MTTP: variants seen among roughly 807,000 people sequenced by gnomAD.
MTTP encodes the protein microsomal triglyceride transfer protein.
A neutral mutation model predicts 90.6 loss-of-function variants in MTTP; 49 were observed. The ratio of observed to expected loss-of-function variants is 0.54; its 90% CI spans 0.43 to 0.69. The LOEUF is 0.69. Among genes scored for constraint, MTTP ranks in the 30% least tolerant of loss-of-function variants. MTTP has a pLI of 0.00. For missense variants in MTTP, 945 were observed against 1,067.5 expected (o/e 0.89, Z 1.60); for synonymous variants, 347 against 384.2 (o/e 0.90, Z 1.13).
chr4:99,568,014 CAG>C (rs540284310), intron 1 of MTTP, among the ~76,000 whole-genome samples: 2 of 151,870 alleles, frequency 1.3e-5, no homozygotes, highest in African/African-American at 4.8e-5. Flanking sequence ...TATTTCAAAA[CAG>C]AGAGCAAGTT....
chr4:99,606,096 A>G (rs1047852124), intron 10 of MTTP, among the ~76,000 whole-genome samples: 2 of 152,118 alleles, frequency 1.3e-5, no homozygotes, highest in Non-Finnish European at 2.9e-5. Context: ...AGATGTCCCT[A>G]TTTCTAATTT....
chr4:99,616,624 A>T (rs1474188470), intron 15 of MTTP, among the ~76,000 whole-genome samples: 2 of 152,190 alleles, frequency 1.3e-5, no homozygotes, highest in African/African-American at 2.4e-5. Context: ...TACTGCTTAA[A>T]AATTAGCACC....
intron 17 of MTTP, 31 bp downstream of exon 17, chr4:99,621,262 G>T (rs373669600): frequency 6.2e-7 from 1 of 1,611,786 alleles, no homozygotes; most frequent in African/African-American, 1.3e-5. Context: ...CATGTTCCAG[G>T]ACCATCCCCA....
intron 1 of MTTP, among the ~76,000 whole-genome samples, chr4:99,565,813 G>A (rs1318223212): frequency 6.6e-6 from 1 of 152,160 alleles, no homozygotes; most frequent in Non-Finnish European, 1.5e-5. Flanking sequence ...AAGTGAAGAA[G>A]TTTAAGATAT....
At chr4:99,578,687 G>T (rs759421852) in intron 1 of MTTP, among the ~76,000 whole-genome samples, 2 of 152,114 alleles carry the variant, frequency 1.3e-5, no homozygotes, top group South Asian at 2.1e-4. Flanking sequence ...TTTAAGAAAG[G>T]TTACCTTCCT....
chr4:99,570,803 T>C (rs555511663), upstream of MTTP: 1 of 455,578 alleles, frequency 2.2e-6, no homozygotes, highest in East Asian at 6.9e-5. Flanking sequence ...TCTTGCTGGA[T>C]TTGTAAATGC....
chr4:99,613,284 G>C, intron 15 of MTTP, 144 bp downstream of exon 15: 1 of 718,182 alleles, frequency 1.4e-6, no homozygotes, highest in Non-Finnish European at 2.4e-6. Context: ...TCTTGGTATT[G>C]GTCCCCTTTC....
chr4:99,609,414 G>A (rs191279791), intron 12 of MTTP, among the ~76,000 whole-genome samples: 7 of 152,186 alleles, frequency 4.6e-5, no homozygotes, highest in Non-Finnish European at 8.8e-5. Flanking sequence ...TCTTAGGCAC[G>A]GCCCACATTT....
chr4:99,621,064 G>T lies in MTTP; in HGVS notation c.2346G>T (p.Val782=). 6.2e-7 allele frequency: 1 copy of T among 1,613,934 alleles called. No individual in the cohort carries two copies. The highest frequency in any genetic ancestry group is 8.5e-7 in the Non-Finnish European group (1 of 1,179,902). Residue 782 remains valine, a synonymous_variant, in exon 17 of 18, where the codon GTG becomes GTT. Transcript: ENST00000265517. Reference sequence around the variant, plus strand: ...TCTTTTTTTCTCAAATGTTTAGGGTGACTGTGGTAATAACCACTGACATCA... The same window carrying T: ...TCTTTTTTTCTCAAATGTTTAGGGTTACTGTGGTAATAACCACTGACATCA... ...RESKTRVKNR[V]TVVITTDITV...
chr4:99,583,627 G>A, intron 3 of MTTP, 110 bp downstream of exon 3: 2 of 1,324,310 alleles, frequency 1.5e-6, no homozygotes, highest in Non-Finnish European at 2.2e-6. Flanking sequence ...ATGGTAAATG[G>A]AATTTCTTCA....
At chr4:99,621,303 CA>C (rs1313891476) in intron 17 of MTTP, 72 bp downstream of exon 17, 21 of 1,526,678 alleles carry the variant, frequency 1.4e-5, no homozygotes, top group Non-Finnish European at 1.9e-5. Context: ...CAGTTTAGAA[CA>C]TTCAGTTTCA....
rs760037070 is a variant in MTTP, at chr4:99,612,949, G to A, written c.2026G>A (p.Ala676Thr). 34 of 1,613,850 alleles carry A rather than the reference G, an allele frequency of 2.1e-5. No individual in the cohort carries two copies. The highest frequency in any genetic ancestry group is 1.1e-4 in the East Asian group (5 of 44,884). ...IEAQGLEALI[A>T]ATPDEGEENL... ...AGCCCAAGGACTGGAAGCCTTAATC[G>A]CAGCCACCCCTGACGAGGGGGAGGA... Residue 676 changes from alanine to threonine, a missense_variant, in exon 15 of 18, where the codon GCA (alanine) becomes ACA (threonine). Coordinates refer to ENST00000265517, the MANE Select transcript of MTTP (RefSeq NM_001386140.1).
intron 1 of MTTP, among the ~76,000 whole-genome samples, chr4:99,576,202 A>G (rs1001953821): frequency 6.6e-6 from 1 of 152,330 alleles, no homozygotes; most frequent in South Asian, 2.1e-4. Flanking sequence ...AGAGTGTTAT[A>G]TAGAGGACTT....
At chr4:99,589,456 A>G (rs1725359173) in intron 3 of MTTP, among the ~76,000 whole-genome samples, 187 bp from the exon 4 acceptor site, 2 of 152,142 alleles carry the variant, frequency 1.3e-5, no homozygotes, top group Non-Finnish European at 2.9e-5. Context: ...CCTAAACTTC[A>G]TATTCTGATG....
chr4:99,596,372 G>C (rs918087837), intron 7 of MTTP, among the ~76,000 whole-genome samples: 16 of 152,092 alleles, frequency 1.1e-4, no homozygotes, highest in Non-Finnish European at 1.8e-4. Context: ...CTGTTAATTA[G>C]AACTATTTAT....
upstream of MTTP, among the ~76,000 whole-genome samples, chr4:99,573,197 C>T (rs1724877388): frequency 6.6e-6 from 1 of 152,076 alleles, no homozygotes; most frequent in African/African-American, 2.4e-5. Flanking sequence ...GGACAGCTCT[C>T]ATACAATCAA....
chr4:99,615,557 G>C (rs530126916), intron 15 of MTTP, among the ~76,000 whole-genome samples: 1 of 152,314 alleles, frequency 6.6e-6, no homozygotes, highest in East Asian at 1.9e-4. Flanking sequence ...AGGCCCCCTG[G>C]CTCTGCAGAG....
chr4:99,568,512 T>C (rs1258066959), intron 1 of MTTP, among the ~76,000 whole-genome samples: 1 of 152,192 alleles, frequency 6.6e-6, no homozygotes, highest in Non-Finnish European at 1.5e-5. Flanking sequence ...AATGGAGAGA[T>C]ATGTGTTCAT....
upstream of MTTP, among the ~76,000 whole-genome samples, chr4:99,574,272 C>G (rs954939021): frequency 6.6e-6 from 1 of 152,248 alleles, no homozygotes; most frequent in South Asian, 2.1e-4. Flanking sequence ...CACATAAGGA[C>G]AATCATCTAT....
Sources: gnomAD v4.1 joint callset for allele counts (sites outside exome capture counted in the v4.1 genomes callset) on GRCh38, gnomAD v4.1.1 for gene constraint, MANE v1.5 for transcripts, NCBI Gene and HGNC (gene_info 2026-07-23, HGNC 2026-07-21) for gene names.